CERS6: variants seen among roughly 807,000 people sequenced by gnomAD.
CERS6 encodes LAG1 homolog, ceramide synthase 6.
Under a neutral mutation model 56.8 loss-of-function variants are expected in CERS6, and 26 were observed. The observed-to-expected ratio is 0.46, with a 90% CI of 0.34 to 0.63. CERS6 has a LOEUF of 0.63. Ranked by LOEUF, CERS6 falls within the 30% of genes least tolerant of loss-of-function variation. CERS6 has a pLI of 0.01. For synonymous variants in CERS6, 164 were observed against 173.3 expected (o/e 0.95, Z 0.42); for missense variants, 415 against 467.5 (o/e 0.89, Z 1.04).
intron 9 of CERS6, chr2:168,766,392 G>A (rs752241545): frequency 2.5e-5 from 38 of 1,542,838 alleles, no homozygotes; most frequent in Non-Finnish European, 3.1e-5. Flanking sequence ...AGTGCCTCTT[G>A]CCTGTTGGAG....
intron 8 of CERS6, among the ~76,000 whole-genome samples, chr2:168,757,929 G>A (rs1175026965): frequency 6.6e-6 from 1 of 152,142 alleles, no homozygotes; most frequent in Non-Finnish European, 1.5e-5. Flanking sequence ...TCTCAGCCTT[G>A]TAATAGCCTT....
chr2:168,479,250 A>G (rs1318462347), intron 1 of CERS6, among the ~76,000 whole-genome samples: 2 of 152,038 alleles, frequency 1.3e-5, no homozygotes, highest in African/African-American at 4.8e-5. Context: ...TGACTTCTGT[A>G]TTTCCCATTT....
chr2:168,682,291 T>A (rs1275362862), intron 4 of CERS6, among the ~76,000 whole-genome samples: 1 of 152,206 alleles, frequency 6.6e-6, no homozygotes, highest in Non-Finnish European at 1.5e-5. Flanking sequence ...AATATGTAAT[T>A]TAATAGTTAA....
chr2:168,644,398 G>A, intron 4 of CERS6: 1 of 975,432 alleles, frequency 1.0e-6, no homozygotes, highest in East Asian at 1.1e-4. Context: ...ATGATGAGAG[G>A]CAAGTGAGGC....
At chr2:168,547,797 C>CA (rs773832100) in intron 2 of CERS6, 96 bp downstream of exon 2, 1 of 845,278 alleles carries the variant, frequency 1.2e-6, no homozygotes, top group Non-Finnish European at 2.0e-6. Context: ...GGAGAATCAA[C>CA]TTTTGCCTAG....
chr2:168,638,022 G>A (rs922064569), intron 4 of CERS6, among the ~76,000 whole-genome samples: 2 of 151,624 alleles, frequency 1.3e-5, no homozygotes, highest in Non-Finnish European at 2.9e-5. Context: ...ATTAAAAGTC[G>A]AATTCCATTT....
rs150724635 is a variant in CERS6 at position 168,520,598 on chromosome 2, CTTTTTTTTT to C, written c.171-26977_171-26969del. 1.8e-3 allele frequency among the ~76,000 whole-genome samples: 103 copies of C among 57,902 alleles called. 3 individuals are homozygous for C. The highest frequency in any genetic ancestry group is 2.4e-3 in the Admixed American group (8 of 3,266). The allele number at this position is 57,902 out of a possible 152,430, so 38.0% of individuals were successfully genotyped here. A position where few individuals can be genotyped will look rare whatever the true frequency, so the allele number is the denominator to read the frequency against. ...TTAACTCTTTAACATTTACAATATC[CTTTTTTTTT>C]TTTTTTTTTTTTTTTTTTTTGAGAA... On this transcript the variant is annotated intron_variant, in intron 1 of 9. Coordinates refer to ENST00000305747, the MANE Select transcript of CERS6 (RefSeq NM_203463.3).
At chr2:168,475,510 C>T (rs912078799) in intron 1 of CERS6, among the ~76,000 whole-genome samples, 9 of 147,800 alleles carry the variant, frequency 6.1e-5, no homozygotes, top group African/African-American at 1.5e-4. Flanking sequence ...GAACTTACTG[C>T]GTATGGATTT....
rs537567480 is a variant in CERS6 at position 168,648,010 on chromosome 2, AT to A, written c.465+16969del. Among the ~76,000 whole-genome samples the A allele has an allele frequency of 4.2e-3, 633 of 152,238 alleles. 11 individuals are homozygous for A. The highest frequency in any genetic ancestry group is 0.014 in the African/African-American group (566 of 41,522). On this transcript the variant is annotated intron_variant, in intron 4 of 9. Coordinates refer to ENST00000305747, the MANE Select transcript of CERS6 (RefSeq NM_203463.3). ...GTCTCTGCCAGGTTTTGGTATCAGG[AT>A]GATTGCTGGCCTCATAGATTGACAT...
chr2:168,477,833 A>C (rs989744164), intron 1 of CERS6, among the ~76,000 whole-genome samples: 2 of 152,230 alleles, frequency 1.3e-5, no homozygotes, highest in Non-Finnish European at 2.9e-5. Flanking sequence ...GTATTATTTT[A>C]ACTTGCGCTT....
chr2:168,586,257 T>C (rs1683540186), intron 3 of CERS6, among the ~76,000 whole-genome samples: 1 of 151,718 alleles, frequency 6.6e-6, no homozygotes, highest in Non-Finnish European at 1.5e-5. Context: ...TGTGTAGTGC[T>C]GTCTTTTAGA....
chr2:168,528,472 T>C lies in CERS6; in HGVS notation c.171-19124T>C, dbSNP rs533091267. 2.3e-3 allele frequency among the ~76,000 whole-genome samples: 351 copies of C among 152,318 alleles called. 2 individuals are homozygous for C. The highest frequency in any genetic ancestry group is 8.0e-3 in the African/African-American group (334 of 41,582). ...GTGTCTTTTAGTACTCTAATATCAA[T>C]TTAACTATTTCTTATTTTAAATTCT... On this transcript the variant is annotated intron_variant, in intron 1 of 9. Transcript: ENST00000305747.
chr2:168,512,386 CTCA>C (rs1230720120), intron 1 of CERS6, among the ~76,000 whole-genome samples: 1 of 152,052 alleles, frequency 6.6e-6, no homozygotes, highest in African/African-American at 2.4e-5. Flanking sequence ...ATAGGACAGT[CTCA>C]TCACATATCT....
At chr2:168,722,734 CA>C (rs1559067633) in intron 8 of CERS6, among the ~76,000 whole-genome samples, 2 of 152,288 alleles carry the variant, frequency 1.3e-5, no homozygotes, top group South Asian at 4.2e-4. Flanking sequence ...TCTAATAAGC[CA>C]GGAGGTCAGA....
chr2:168,518,666 T>C (rs901818345), intron 1 of CERS6, among the ~76,000 whole-genome samples: 1 of 152,172 alleles, frequency 6.6e-6, no homozygotes, highest in African/African-American at 2.4e-5. Context: ...AACCAATACC[T>C]CTCTGCCTAG....
At chr2:168,490,808 G>A (rs529323475) in intron 1 of CERS6, among the ~76,000 whole-genome samples, 12 of 152,210 alleles carry the variant, frequency 7.9e-5, no homozygotes, top group Non-Finnish European at 1.3e-4. Context: ...TACAAAGTAC[G>A]TCTATACCTC....
At chr2:168,688,519 C>T (rs1435972182) in intron 4 of CERS6, among the ~76,000 whole-genome samples, 3 of 151,984 alleles carry the variant, frequency 2.0e-5, no homozygotes, top group Admixed American at 6.6e-5. Flanking sequence ...TCATGGACTT[C>T]GGTTTTCTTA....
At chr2:168,740,377 A>G (rs1683858942) in intron 8 of CERS6, among the ~76,000 whole-genome samples, 1 of 152,228 alleles carries the variant, frequency 6.6e-6, no homozygotes, top group African/African-American at 2.4e-5. Context: ...CATTTATCCT[A>G]CAAATATTTG....
chr2:168,716,720 G>A (rs141522125), intron 7 of CERS6, among the ~76,000 whole-genome samples: 62 of 152,204 alleles, frequency 4.1e-4, no homozygotes, highest in African/African-American at 1.4e-3. Flanking sequence ...GCCAGGAGAA[G>A]GTAGAAGGTA....
Sources: gnomAD v4.1 joint callset for allele counts (sites outside exome capture counted in the v4.1 genomes callset) on GRCh38, gnomAD v4.1.1 for gene constraint, MANE v1.5 for transcripts, NCBI Gene and HGNC (gene_info 2026-07-23, HGNC 2026-07-21) for gene names.